UNKL: variants seen among roughly 807,000 people sequenced by gnomAD.
UNKL encodes unk like zinc finger.
UNKL carries 60 observed loss-of-function variants against 78.0 expected under a neutral mutation model. The observed-to-expected ratio is 0.77, with a 90% confidence interval of 0.63 to 0.95. The LOEUF is 0.95. Among genes scored for constraint, UNKL ranks in the 40% least tolerant of loss-of-function variants. The pLI, the probability that UNKL is intolerant of heterozygous loss-of-function variation, is 0.00. For missense variants in UNKL, 1,159 were observed against 1,045.7 expected (o/e 1.11, Z -1.49); for synonymous variants, 608 against 474.8 (o/e 1.28, Z -3.65).
chr16:1,372,366 C>T (rs965335651), intron 10 of UNKL, among the ~76,000 whole-genome samples: 9 of 152,324 alleles, frequency 5.9e-5, no homozygotes, highest in Non-Finnish European at 1.3e-4. Flanking sequence ...GACCTCAATT[C>T]CCAAGGCTCA....
At chr16:1,402,714 G>A (rs1157561805) in intron 3 of UNKL, among the ~76,000 whole-genome samples, 5 of 151,650 alleles carry the variant, frequency 3.3e-5, no homozygotes, top group African/African-American at 7.3e-5. Context: ...GAGGCCAGGC[G>A]CAGTGGCTCA....
rs903380609 is a variant in UNKL at position 1,370,381 on chromosome 16, G to A, written c.1358-24C>T. ...ACCTGGCGGGGGCGGACCAGTCAGCGAAGGGAGTACCGCCAGGCCTCTGCC... is the reference window on the plus strand; with the variant it reads ...ACCTGGCGGGGGCGGACCAGTCAGCAAAGGGAGTACCGCCAGGCCTCTGCC... On this transcript the variant is annotated intron_variant, in intron 11 of 14. Transcript: ENST00000389221. 4.6e-5 allele frequency: 71 copies of A among 1,530,390 alleles called. No homozygotes were observed. In the Admixed American group the frequency reaches 6.8e-4, roughly 15 times the overall value. 94.8% of individuals were successfully genotyped at this position (1,530,390 alleles called of 1,614,324 possible).
In UNKL at chr16:1,364,351, TGATA is replaced by T. The variant is rs1294733044; in HGVS notation, c.*1885_*1888del. On this transcript the variant is annotated 3_prime_UTR_variant, in exon 15 of 15. Transcript: ENST00000389221. ...AAATACATTCTAATTTGGTCACTGATGATAAAGATTTTTACCTAGACGTTTTGCA... is the reference window on the plus strand; with the variant it reads ...AAATACATTCTAATTTGGTCACTGATAAGATTTTTACCTAGACGTTTTGCA... 6 of 152,242 alleles carry T rather than the reference TGATA, an allele frequency of 3.9e-5. No individual in the cohort carries two copies. Among genetic ancestry groups the T allele is most frequent in the Non-Finnish European group, 8.8e-5 (6 of 68,038 alleles). The allele number at this position is 152,242 out of a possible 1,614,324, so 9.4% of individuals were successfully genotyped here.
rs2035401346 is a variant in UNKL, at chr16:1,367,565, T to TCCCTCCCTC, written c.1788+90_1788+91insGAGGGAGGG. On this transcript the variant is annotated intron_variant, in intron 13 of 14. Transcript: ENST00000389221. ...CACCTGAGTCACCTGCGGCCCTCCC[T>TCCCTCCCTC]CCCTCCCCTCCCATCTCACCCCCAC... is the stretch of plus-strand genomic sequence containing the variant. 4 of 237,868 alleles carry TCCCTCCCTC rather than the reference T, an allele frequency of 1.7e-5. 1 individual carries two copies. The East Asian group carries it at 3.6e-4, about 21-fold the overall frequency. The allele number at this position is 237,868 out of a possible 1,614,324, so 14.7% of individuals were successfully genotyped here.
At chr16:1,404,330 C>T (rs926022254) in intron 2 of UNKL, among the ~76,000 whole-genome samples, 5 of 152,204 alleles carry the variant, frequency 3.3e-5, no homozygotes, top group Admixed American at 2.0e-4. Context: ...CACAGGGCTG[C>T]AGCCTGGGCA....
At chr16:1,376,120 C>A (rs1347407362) in intron 10 of UNKL, among the ~76,000 whole-genome samples, 1 of 141,640 alleles carries the variant, frequency 7.1e-6, no homozygotes. Context: ...AAGGCTGGGG[C>A]ACGCTCCTCC....
chr16:1,404,163 C>T (rs942555900), intron 2 of UNKL, among the ~76,000 whole-genome samples: 1 of 152,136 alleles, frequency 6.6e-6, no homozygotes, highest in African/African-American at 2.4e-5. Context: ...TCAATGGTGT[C>T]GAGCCCTGGC....
At chr16:1,402,828 C>CAA (rs750538228) in intron 3 of UNKL, among the ~76,000 whole-genome samples, 2 of 125,010 alleles carry the variant, frequency 1.6e-5, no homozygotes, top group African/African-American at 5.9e-5. Flanking sequence ...ACTAAACATA[C>CAA]AAAAAAAAAA....
rs186919161 is a variant in UNKL at position 1,365,924 on chromosome 16, T to A, written c.*316A>T. On this transcript the variant is annotated 3_prime_UTR_variant, in exon 15 of 15. Coordinates refer to ENST00000389221, the MANE Select transcript of UNKL (RefSeq NM_001372107.1). Reference sequence around the variant, plus strand: ...GTGTCAGGACCACAAACTGCTGTGATCACAGCGCCGCGTGGATCCCGGAGG... The same window carrying A: ...GTGTCAGGACCACAAACTGCTGTGAACACAGCGCCGCGTGGATCCCGGAGG... The A allele has an allele frequency of 4.2e-6, 1 of 239,554 alleles. No homozygotes were observed. The highest frequency in any genetic ancestry group is 2.2e-5 in the African/African-American group (1 of 44,764). The allele number at this position is 239,554 out of a possible 1,614,324, so 14.8% of individuals were successfully genotyped here.
chr16:1,398,897 T>C (rs1383492718), intron 5 of UNKL: 4 of 1,572,318 alleles, frequency 2.5e-6, no homozygotes, highest in Non-Finnish European at 2.6e-6. Context: ...CCTTGGGTTG[T>C]TGGCCCTGGG....
intron 2 of UNKL, among the ~76,000 whole-genome samples, chr16:1,404,250 G>A (rs1472884122): frequency 6.6e-6 from 1 of 152,178 alleles, no homozygotes; most frequent in Non-Finnish European, 1.5e-5. Flanking sequence ...GCCCCCAAAT[G>A]TAAGGACTGA....
intron 7 of UNKL, 114 bp downstream of exon 7, chr16:1,394,017 C>T (rs1484871709): frequency 9.2e-7 from 1 of 1,091,564 alleles, no homozygotes; most frequent in Non-Finnish European, 1.3e-6. Context: ...GTGCTGAGCT[C>T]CTGCCCGCCT....
chr16:1,370,165 G>C lies in UNKL; in HGVS notation c.1550C>G (p.Thr517Arg). The C allele has an allele frequency of 6.6e-7, 1 of 1,515,888 alleles. No homozygotes were observed. Among genetic ancestry groups the C allele is most frequent in the Non-Finnish European group, 8.9e-7 (1 of 1,127,018 alleles). The allele number at this position is 1,515,888 out of a possible 1,614,324, so 93.9% of individuals were successfully genotyped here. ...GTAGGATGAGGCTGCAGAGCCCAGTGTGCCCGGCTCTGAACGCAGGGGTGG... is the reference window on the plus strand; with the variant it reads ...GTAGGATGAGGCTGCAGAGCCCAGTCTGCCCGGCTCTGAACGCAGGGGTGG... ...QPPPLRSEPG[T>R]LGSAASSYSP... Residue 517 changes from threonine (T) to arginine (R), a missense_variant, in exon 12 of 15, where the codon ACA (threonine) becomes AGA (arginine). By Grantham distance (71) the Thr-to-Arg change is moderately conservative (BLOSUM62 -1). Transcript: ENST00000389221.
intron 5 of UNKL, chr16:1,398,554 G>A (rs755463459): frequency 2.1e-5 from 29 of 1,364,072 alleles, no homozygotes; most frequent in Admixed American, 9.8e-5. Flanking sequence ...CGGGGCATGC[G>A]AGGCAGCACC....
Position 1,366,117 on chromosome 16 carries a change from CAGGA to C in UNKL, c.*119_*122del. On this transcript the variant is annotated 3_prime_UTR_variant, in exon 15 of 15. Transcript: ENST00000389221. ...CTCCCAGCCTCATGATAACGTGTAA[CAGGA>C]AGGGCTCCCAGCCTCGGTCCTCACG... 9.0e-6 allele frequency: 11 copies of C among 1,228,388 alleles called. No homozygotes were observed. The highest frequency in any genetic ancestry group is 1.2e-5 in the Non-Finnish European group (11 of 932,992). 76.1% of individuals were successfully genotyped at this position (1,228,388 alleles called of 1,614,324 possible). A position where few individuals can be genotyped will look rare whatever the true frequency, so the allele number is the denominator to read the frequency against.
At chr16:1,379,852 G>C (rs1284089092) in intron 10 of UNKL, among the ~76,000 whole-genome samples, 2 of 152,154 alleles carry the variant, frequency 1.3e-5, no homozygotes, top group African/African-American at 4.8e-5. Flanking sequence ...GGGCAAGTGG[G>C]CGCGGGCAGC....
At chr16:1,398,473 C>T in intron 5 of UNKL, 8 of 1,185,566 alleles carry the variant, frequency 6.7e-6, no homozygotes, top group Non-Finnish European at 8.4e-6. Flanking sequence ...GGAAGCTGCT[C>T]AGAGGGAGAC....
At chr16:1,396,989 C>A in intron 6 of UNKL, 189 bp downstream of exon 6, 1 of 604,948 alleles carries the variant, frequency 1.7e-6, no homozygotes. Flanking sequence ...GAGGGCAGCC[C>A]GAAGGCCAGC....
intron 2 of UNKL, among the ~76,000 whole-genome samples, chr16:1,409,511 T>C (rs2037939632): frequency 1.3e-5 from 2 of 151,800 alleles, no homozygotes; most frequent in Non-Finnish European, 2.9e-5. Flanking sequence ...TAAGGAAATT[T>C]CCTTACTATG....
Sources: allele counts gnomAD v4.1 joint callset (sites outside exome capture counted in the v4.1 genomes callset), GRCh38; gene constraint gnomAD v4.1.1; transcripts MANE v1.5; gene names NCBI Gene and HGNC (gene_info 2026-07-23, HGNC 2026-07-21).